Variants in ESCO1 observed in about 807,000 individuals in gnomAD.
The protein encoded by ESCO1 is establishment of sister chromatid cohesion N-acetyltransferase 1.
In ESCO1, 33 loss-of-function variants were observed where a neutral mutation model predicts 83.5. That is an observed-to-expected ratio of 0.40 (90% CI 0.30 to 0.53). ESCO1 has a LOEUF of 0.53. Ranked by LOEUF, ESCO1 falls within the 20% of genes least tolerant of loss-of-function variation. ESCO1 has a pLI of 0.63. For missense variants in ESCO1, 855 were observed against 968.0 expected, an observed-to-expected ratio of 0.88 and a Z score of 1.55; for synonymous variants, 332 against 324.3, an observed-to-expected ratio of 1.02 and a Z score of -0.25.
At chr18:21,579,794 GCACACACACACACA>G (rs765904584) in intron 2 of ESCO1, among the ~76,000 whole-genome samples, 100 of 37,168 alleles carry the variant, frequency 2.7e-3, no homozygotes, top group Non-Finnish European at 6.8e-3. Flanking sequence ...ACGCGCGCGC[GCACACACACACACA>G]CACACACACA....
At chr18:21,582,322 T>G (rs890611093) in intron 2 of ESCO1, among the ~76,000 whole-genome samples, 2 of 151,884 alleles carry the variant, frequency 1.3e-5, no homozygotes, top group African/African-American at 4.8e-5. Context: ...CTCCGCCTCC[T>G]GGGTTCAAGC....
chr18:21,564,878 G>A (rs1412016697), intron 6 of ESCO1, among the ~76,000 whole-genome samples: 1 of 151,342 alleles, frequency 6.6e-6, no homozygotes, highest in Non-Finnish European at 1.5e-5. Context: ...TGGGCAACAC[G>A]GTGAAACCCC....
At chr18:21,559,045 T>C (rs1450862343) in intron 8 of ESCO1, among the ~76,000 whole-genome samples, 1 of 152,222 alleles carries the variant, frequency 6.6e-6, no homozygotes, top group Admixed American at 6.5e-5. Context: ...ACAGTGATCA[T>C]AGCAGAACAG....
chr18:21,557,678 G>T (rs575235960), intron 8 of ESCO1, among the ~76,000 whole-genome samples: 59 of 152,284 alleles, frequency 3.9e-4, no homozygotes, highest in African/African-American at 1.4e-3. Context: ...CAGGAAAAAA[G>T]GATTGAGTTT....
At chr18:21,567,941 G>T in intron 5 of ESCO1, 39 bp downstream of exon 5, 1 of 1,480,838 alleles carries the variant, frequency 6.8e-7, no homozygotes, top group Non-Finnish European at 9.3e-7. Context: ...AAATGTCACT[G>T]AAGACTATGA....
At chr18:21,554,013 T>C (rs2038081222) in intron 8 of ESCO1, among the ~76,000 whole-genome samples, 1 of 151,960 alleles carries the variant, frequency 6.6e-6, no homozygotes, top group South Asian at 2.1e-4. Flanking sequence ...CCTAAGAAGA[T>C]ATACAAATGG....
In ESCO1 at chr18:21,543,257, C is replaced by G. The variant is rs565830810; in HGVS notation, c.1954-3248G>C. Among the ~76,000 whole-genome samples the G allele has an allele frequency of 1.2e-4, 19 of 152,250 alleles. 1 individual carries two copies. In the East Asian group the frequency reaches 3.7e-3, roughly 29 times the overall value. On this transcript the variant is annotated intron_variant, in intron 8 of 11. Coordinates refer to ENST00000269214, the MANE Select transcript of ESCO1 (RefSeq NM_052911.3). ...GCAACCTCCGCCTCCCGGGTTCAAG[C>G]AATTCTCCTGCCTCAGCCTCCCGAG...
intron 4 of ESCO1, among the ~76,000 whole-genome samples, chr18:21,571,552 T>C (rs1256077400): frequency 1.3e-5 from 2 of 152,176 alleles, no homozygotes; most frequent in East Asian, 3.8e-4. Flanking sequence ...TATCTTTCAG[T>C]AAAAGCAATG....
chr18:21,586,809 T>C (rs754703238), intron 1 of ESCO1, among the ~76,000 whole-genome samples: 1 of 152,128 alleles, frequency 6.6e-6, no homozygotes, highest in Admixed American at 6.6e-5. Context: ...TTGAAAGAAG[T>C]GGTAAGAGCA....
chr18:21,582,477 C>T (rs1379364882), intron 2 of ESCO1, among the ~76,000 whole-genome samples: 3 of 151,996 alleles, frequency 2.0e-5, no homozygotes, highest in Non-Finnish European at 4.4e-5. Flanking sequence ...GTGATATGCC[C>T]GCCTCGGCCT....
intron 1 of ESCO1, among the ~76,000 whole-genome samples, chr18:21,585,751 C>A (rs1203830080): frequency 6.6e-6 from 1 of 152,104 alleles, no homozygotes; most frequent in Non-Finnish European, 1.5e-5. Flanking sequence ...TGCCACCTTA[C>A]CTGGCTAATT....
intron 8 of ESCO1, among the ~76,000 whole-genome samples, chr18:21,554,075 A>T (rs2038081840): frequency 6.6e-6 from 1 of 152,208 alleles, no homozygotes; most frequent in Admixed American, 6.5e-5. Flanking sequence ...AGGGAAATGC[A>T]AATTAAAACA....
chr18:21,564,276 T>C lies in ESCO1; in HGVS notation c.1748A>G (p.His583Arg), dbSNP rs146765045. The C allele has an allele frequency of 1.9e-4, 308 of 1,612,238 alleles. No homozygotes were observed. Among genetic ancestry groups the C allele is most frequent in the Non-Finnish European group, 2.5e-4 (295 of 1,179,328 alleles). The part of the protein sequence containing the change: ...RNHSLPKCNS[H>R]LEITIPKDLK... ...GTCCTTTGGAATTGTTATCTCCAAA[T>C]GGGAATTACACTTAGGCAAAGAATG... The change falls in exon 7 of 12, where the codon CAT becomes CGT. Residue 583 changes from histidine (H) to arginine (R), a missense_variant. His to Arg is a conservative substitution (Grantham distance 29, BLOSUM62 0). Around this residue, in one of 2 missense-constraint regions of ESCO1, gnomAD observed 726 missense variants for 699.5 expected, o/e 1.04. Transcript: ENST00000269214.
rs745543079 is a variant in ESCO1, at chr18:21,574,435, G to GT, written c.408dup (p.Arg137ThrfsTer3). 2 of 1,614,084 alleles carry GT rather than the reference G, an allele frequency of 1.2e-6. No individual in the cohort carries two copies. The highest frequency in any genetic ancestry group is 1.7e-6 in the Non-Finnish European group (2 of 1,180,030). ...ACTTGACCCTGAATTTCTCTACTGC[G>GT]TAACGACCTTCTTGAAACCTCTGTT... On this transcript the variant is annotated frameshift_variant, in exon 4 of 12. Coordinates refer to ENST00000269214, the MANE Select transcript of ESCO1 (RefSeq NM_052911.3). LOFTEE classifies it high-confidence loss of function.
intron 8 of ESCO1, among the ~76,000 whole-genome samples, chr18:21,545,650 C>T (rs1483873309): frequency 5.9e-5 from 9 of 151,748 alleles, no homozygotes; most frequent in African/African-American, 2.2e-4. Flanking sequence ...AAGTTGAGGC[C>T]GGGCGCAGTG....
At chr18:21,587,363 T>C (rs2038596612) in intron 1 of ESCO1, among the ~76,000 whole-genome samples, 1 of 152,204 alleles carries the variant, frequency 6.6e-6, no homozygotes, top group Non-Finnish European at 1.5e-5. Context: ...GTTTGGTAGA[T>C]TGCATCAGTG....
chr18:21,580,760 C>A (rs2038490691), intron 2 of ESCO1, among the ~76,000 whole-genome samples: 1 of 152,276 alleles, frequency 6.6e-6, no homozygotes, highest in African/African-American at 2.4e-5. Context: ...GAGGCCAAGG[C>A]AGGCGGATCT....
intron 7 of ESCO1, among the ~76,000 whole-genome samples, chr18:21,562,593 G>A (rs765181436): frequency 8.6e-5 from 13 of 151,660 alleles, no homozygotes; most frequent in Non-Finnish European, 1.9e-4. Context: ...AGTGAGCTGT[G>A]ATCACACCAT....
Position 21,574,714 on chromosome 18 carries a change from T to G in ESCO1, c.130A>C (p.Thr44Pro). Residue 44 changes from threonine (T) to proline (P), a missense_variant, in exon 4 of 12, where the codon ACT becomes CCT. Coordinates refer to ENST00000269214, the MANE Select transcript of ESCO1 (RefSeq NM_052911.3). ...GAAGATTTAGCCTGTGATTTTATAG[T>G]CTCCTTTGGACCTGATTTTTTTGCT... ...NLAKKSGPKE[T>P]IKSQAKSSSE... 6.2e-7 allele frequency: 1 copy of G among 1,612,856 alleles called. No homozygotes were observed. Among genetic ancestry groups the G allele is most frequent in the Non-Finnish European group, 8.5e-7 (1 of 1,179,982 alleles).
Sources: allele counts gnomAD v4.1 joint callset (sites outside exome capture counted in the v4.1 genomes callset), GRCh38; gene constraint gnomAD v4.1.1; regional missense constraint gnomAD v4.1.1; transcripts MANE v1.5; gene names NCBI Gene and HGNC (gene_info 2026-07-23, HGNC 2026-07-21).